KCNQ1: variants seen among roughly 807,000 people sequenced by gnomAD.
KCNQ1 encodes potassium voltage-gated channel subfamily KQT member 1.
A neutral mutation model predicts 72.4 loss-of-function variants in KCNQ1; 49 were observed. That is an observed-to-expected ratio of 0.68 (90% confidence interval 0.54 to 0.86). KCNQ1 has a LOEUF of 0.86. Ranked by LOEUF, KCNQ1 falls within the 40% of genes least tolerant of loss-of-function variation. KCNQ1 has a pLI of 0.00. For missense variants in KCNQ1, 790 were observed against 945.1 expected, an observed-to-expected ratio of 0.84 and a Z score of 2.15; for synonymous variants, 450 against 412.6, an observed-to-expected ratio of 1.09 and a Z score of -1.10.
At chr11:2,614,717 T>C (rs144201983) in intron 10 of KCNQ1, 1 of 398,502 alleles carries the variant, frequency 2.5e-6, no homozygotes, top group Non-Finnish European at 4.4e-6. Context: ...TTCTCTATTA[T>C]ATTCCATTGG....
At chr11:2,501,153 T>C (rs780095547) in intron 1 of KCNQ1, among the ~76,000 whole-genome samples, 2 of 151,616 alleles carry the variant, frequency 1.3e-5, no homozygotes, top group Non-Finnish European at 2.9e-5. Flanking sequence ...TAAGTCAACC[T>C]AAAATTAGTA....
rs1845914752 is a variant in KCNQ1, at chr11:2,734,243, G to C, written c.1515-34601G>C. 1.3e-5 allele frequency among the ~76,000 whole-genome samples: 2 copies of C among 152,258 alleles called. No homozygotes were observed. The highest frequency in any genetic ancestry group is 2.9e-5 in the Non-Finnish European group (2 of 68,048). ...GGCCAGAGGCAGATTGGGAGGGTCA[G>C]GTCCTAAGAGGCCTCAGGCCGGAGC... On this transcript the variant is annotated intron_variant, in intron 11 of 15. Transcript: ENST00000155840. The surrounding 1 kb of genome is among the most constrained non-coding windows in gnomAD (Gnocchi z 7.0).
At position 2,659,345 on chromosome 11, in the gene KCNQ1, A is replaced by T. The variant is rs562053280; in HGVS notation, c.1394-2616A>T. 1 of 398,570 alleles carries T rather than the reference A, an allele frequency of 2.5e-6. No homozygotes were observed. The highest frequency in any genetic ancestry group is 2.1e-5 in the African/African-American group (1 of 48,740). The allele number at this position is 398,570 out of a possible 1,614,324, so 24.7% of individuals were successfully genotyped here. A position where few individuals can be genotyped will look rare whatever the true frequency, so the allele number is the denominator to read the frequency against. On this transcript the variant is annotated intron_variant, in intron 10 of 15. Coordinates refer to ENST00000155840, the MANE Select transcript of KCNQ1 (RefSeq NM_000218.3). This position sits in a 1 kb window ranked among gnomAD's most constrained non-coding sequence, Gnocchi z 4.3. ...TTTTCTAGAATGTCCTATAAATGGG[A>T]TCCTATAATATGTATTCTTTTGCAT... is the stretch of plus-strand genomic sequence containing the variant.
chr11:2,516,239 C>G lies in KCNQ1; in HGVS notation c.387-11689C>G, dbSNP rs966512034. On this transcript the variant is annotated intron_variant, in intron 1 of 15. Transcript: ENST00000155840. This position sits in a 1 kb window ranked among gnomAD's most constrained non-coding sequence, Gnocchi z 7.0. ...ACTTGAGGCAGGTCCCTTAACCTCT[C>G]TGAGCTTCCTCCTCTCCTGTGAACA... Among the ~76,000 whole-genome samples, 2 of 152,122 alleles carry G rather than the reference C, an allele frequency of 1.3e-5. No individual in the cohort carries two copies. The highest frequency in any genetic ancestry group is 4.8e-5 in the African/African-American group (2 of 41,420).
Position 2,536,965 on chromosome 11 carries a change from C to T in KCNQ1, c.477+8947C>T, listed in dbSNP as rs904382052. 2.2e-4 allele frequency among the ~76,000 whole-genome samples: 33 copies of T among 152,076 alleles called. No homozygotes were observed. The highest frequency in any genetic ancestry group is 1.2e-3 in the Admixed American group (18 of 15,292). On this transcript the variant is annotated intron_variant, in intron 2 of 15. Transcript: ENST00000155840. The surrounding 1 kb of genome is among the most constrained non-coding windows in gnomAD (Gnocchi z 7.4). ...TTTACCTCACAGGGCATCCTCCCTG[C>T]GTGTGAGTCTGGAGCCAAATTTCTC... is the stretch of plus-strand genomic sequence containing the variant.
intron 2 of KCNQ1, among the ~76,000 whole-genome samples, chr11:2,531,694 C>A (rs1355762045): frequency 6.6e-6 from 1 of 152,202 alleles, no homozygotes; most frequent in Non-Finnish European, 1.5e-5. Context: ...GCATAGAGCC[C>A]CCTTTCTGCT....
At chr11:2,510,017 T>G (rs1228656076) in intron 1 of KCNQ1, among the ~76,000 whole-genome samples, 1 of 152,010 alleles carries the variant, frequency 6.6e-6, no homozygotes, top group Non-Finnish European at 1.5e-5. Context: ...GGCCTGTCAA[T>G]CCAGTACACT....
intron 1 of KCNQ1, among the ~76,000 whole-genome samples, chr11:2,499,520 A>ACT (rs1846974305): frequency 7.6e-6 from 1 of 131,476 alleles, no homozygotes; most frequent in Non-Finnish European, 1.7e-5. Flanking sequence ...GGTTGAATGG[A>ACT]CCCCTGCCCC....
chr11:2,661,014 A>G lies in KCNQ1; in HGVS notation c.1394-947A>G, dbSNP rs2133854641. 2.5e-6 allele frequency: 1 copy of G among 398,630 alleles called. No homozygotes were observed. Among genetic ancestry groups the G allele is most frequent in the East Asian group, 3.6e-5 (1 of 28,082 alleles). The allele number at this position is 398,630 out of a possible 1,614,324, so 24.7% of individuals were successfully genotyped here. On this transcript the variant is annotated intron_variant, in intron 10 of 15. Coordinates refer to ENST00000155840, the MANE Select transcript of KCNQ1 (RefSeq NM_000218.3). The surrounding 1 kb of genome is among the most constrained non-coding windows in gnomAD (Gnocchi z 5.9). ...CTAAAATAATTAAATCCATGCCTAT[A>G]TACCTAGAGAAAAATGAAATGAGCT...
At chr11:2,573,258 C>T (rs1212598663) in intron 6 of KCNQ1, among the ~76,000 whole-genome samples, 5 of 152,146 alleles carry the variant, frequency 3.3e-5, no homozygotes, top group Admixed American at 2.6e-4. Flanking sequence ...GTCACTGGAG[C>T]GTGTGTTGGG....
At chr11:2,577,116 C>T (rs1848434177) in intron 6 of KCNQ1, among the ~76,000 whole-genome samples, 2 of 152,236 alleles carry the variant, frequency 1.3e-5, no homozygotes, top group South Asian at 4.1e-4. Context: ...TTTCCCTGGA[C>T]CGAAAGGGCC....
intron 6 of KCNQ1, 100 bp from the exon 7 acceptor site, chr11:2,583,335 C>T (rs536453425): frequency 4.3e-5 from 36 of 844,260 alleles, no homozygotes; most frequent in African/African-American, 3.0e-4. Flanking sequence ...GGTCTCTTGC[C>T]GGCCTCTCCG....
Position 2,479,105 on chromosome 11 carries a change from C to A in KCNQ1, c.386+33621C>A, listed in dbSNP as rs1169296880. 6.6e-6 allele frequency among the ~76,000 whole-genome samples: 1 copy of A among 152,218 alleles called. No homozygotes were observed. Among genetic ancestry groups the A allele is most frequent in the African/African-American group, 2.4e-5 (1 of 41,458 alleles). On this transcript the variant is annotated intron_variant, in intron 1 of 15. Transcript: ENST00000155840. This position sits in a 1 kb window ranked among gnomAD's most constrained non-coding sequence, Gnocchi z 4.6. Reference sequence around the variant, plus strand: ...CATAGTCTTGAGCAGCTCTGCCCCTCTGGCTTTGCAGGGTACAGCCTCCCT... The same window carrying A: ...CATAGTCTTGAGCAGCTCTGCCCCTATGGCTTTGCAGGGTACAGCCTCCCT...
chr11:2,573,738 G>A (rs1409926284), intron 6 of KCNQ1, among the ~76,000 whole-genome samples: 1 of 152,256 alleles, frequency 6.6e-6, no homozygotes, highest in Admixed American at 6.5e-5. Context: ...GCCACCCAAA[G>A]CTCAGAGAGG....
At chr11:2,465,577 C>T (rs1002587735) in intron 1 of KCNQ1, among the ~76,000 whole-genome samples, 3 of 152,230 alleles carry the variant, frequency 2.0e-5, no homozygotes, top group Admixed American at 6.5e-5. Context: ...CTGTCCGGCC[C>T]CTGCCCCGTG....
At chr11:2,472,927 A>G (rs1846511482) in intron 1 of KCNQ1, among the ~76,000 whole-genome samples, 1 of 151,962 alleles carries the variant, frequency 6.6e-6, no homozygotes, top group Admixed American at 6.6e-5. Context: ...AGGGCCCCCC[A>G]TCACCCCAGC....
intron 12 of KCNQ1, among the ~76,000 whole-genome samples, chr11:2,770,019 C>T (rs540458555): frequency 3.7e-4 from 57 of 152,234 alleles, no homozygotes; most frequent in African/African-American, 1.4e-3. Flanking sequence ...GTCGTTGGGT[C>T]GGGCTGGGAA....
chr11:2,524,230 T>C (rs1383301280), intron 1 of KCNQ1, among the ~76,000 whole-genome samples: 1 of 152,166 alleles, frequency 6.6e-6, no homozygotes, highest in Admixed American at 6.5e-5. Flanking sequence ...ACCGCAGCCC[T>C]ATCCCTGCTC....
At chr11:2,840,459 G>C (rs1848184049) in intron 15 of KCNQ1, 1 of 152,188 alleles carries the variant, frequency 6.6e-6, no homozygotes, top group African/African-American at 2.4e-5. Flanking sequence ...AAGTAAGTCT[G>C]TAGGTCAGAA....
Sources: gnomAD v4.1 joint callset for allele counts (sites outside exome capture counted in the v4.1 genomes callset) on GRCh38, gnomAD v4.1.1 for gene constraint, Gnocchi (gnomAD v3.1) non-coding constraint, MANE v1.5 for transcripts, NCBI Gene and HGNC (gene_info 2026-07-23, HGNC 2026-07-21) for gene names.